Variants in GALNT13 observed in about 807,000 individuals in gnomAD.
GALNT13 encodes UDP-GalNAc:polypeptide N-acetylgalactosaminyltransferase 13.
Under a neutral mutation model 64.2 loss-of-function variants are expected in GALNT13, and 28 were observed. The observed-to-expected ratio is 0.44, with a 90% CI of 0.32 to 0.60. GALNT13 has a LOEUF of 0.60. GALNT13 is among the 20% of genes least tolerant of loss of function. The pLI is 0.05. For missense variants in GALNT13, 577 were observed against 669.8 expected, an observed-to-expected ratio of 0.86 and a Z score of 1.53; for synonymous variants, 214 against 224.6, an observed-to-expected ratio of 0.95 and a Z score of 0.42.
chr2:153,939,328 G>C (rs968310453), intron 2 of GALNT13, among the ~76,000 whole-genome samples: 2 of 152,180 alleles, frequency 1.3e-5, no homozygotes, highest in Non-Finnish European at 2.9e-5. Flanking sequence ...ACAGCCAGGA[G>C]ACCTAAGTCA....
intron 3 of GALNT13, among the ~76,000 whole-genome samples, chr2:153,991,774 A>C (rs2105190731): frequency 6.6e-6 from 1 of 152,290 alleles, no homozygotes; most frequent in South Asian, 2.1e-4. Context: ...TGTCACCATC[A>C]AGAAATTGTT....
chr2:153,768,448 A>G, the GALNT13 span, among the ~76,000 whole-genome samples: 3 of 152,110 alleles, frequency 2.0e-5, no homozygotes, highest in Admixed American at 1.3e-4. Flanking sequence ...GTCTAGTAGT[A>G]TTTGTTTTTT....
chr2:153,105,281 A>G, the GALNT13 span, among the ~76,000 whole-genome samples: 1 of 152,092 alleles, frequency 6.6e-6, no homozygotes, highest in African/African-American at 2.4e-5. Flanking sequence ...CCACATGATT[A>G]TCTCAATAGA....
chr2:153,339,073 G>A, the GALNT13 span, among the ~76,000 whole-genome samples: 3 of 152,272 alleles, frequency 2.0e-5, no homozygotes, highest in African/African-American at 4.8e-5. Context: ...GAATAATGCT[G>A]TAATAAGCAT....
the GALNT13 span, among the ~76,000 whole-genome samples, chr2:153,184,214 T>C: frequency 6.6e-6 from 1 of 152,190 alleles, no homozygotes; most frequent in African/African-American, 2.4e-5. Context: ...TTCCTAGGTA[T>C]TTTATTCTTT....
At chr2:153,940,888 TA>T (rs1466424513) in intron 2 of GALNT13, among the ~76,000 whole-genome samples, 2 of 152,132 alleles carry the variant, frequency 1.3e-5, no homozygotes, top group Non-Finnish European at 1.5e-5. Flanking sequence ...TGACTATAGA[TA>T]AAAATATGTC....
the GALNT13 span, among the ~76,000 whole-genome samples, chr2:153,513,966 C>A: frequency 9.9e-5 from 15 of 152,234 alleles, no homozygotes; most frequent in Admixed American, 9.8e-4. Flanking sequence ...ATTGTAGTTT[C>A]TAAAAGATCT....
chr2:154,287,032 A>G, intron 8 of GALNT13: 1 of 635,868 alleles, frequency 1.6e-6, no homozygotes, highest in East Asian at 2.9e-5. Context: ...GCTGGTCTCC[A>G]GGCAGGTGAG....
chr2:153,784,722 C>T, the GALNT13 span, among the ~76,000 whole-genome samples: 1 of 152,178 alleles, frequency 6.6e-6, no homozygotes, highest in Non-Finnish European at 1.5e-5. Context: ...GGGGGCTGCA[C>T]AGTGACGTCT....
the GALNT13 span, among the ~76,000 whole-genome samples, chr2:153,390,797 G>A: frequency 6.6e-6 from 1 of 152,032 alleles, no homozygotes; most frequent in African/African-American, 2.4e-5. Flanking sequence ...TTGTGATAAC[G>A]TAAAAGGTGA....
chr2:153,141,602 A>G, the GALNT13 span, among the ~76,000 whole-genome samples: 1 of 151,924 alleles, frequency 6.6e-6, no homozygotes, highest in African/African-American at 2.4e-5. Flanking sequence ...ACCTACCTGG[A>G]GTGGAGCTTC....
At chr2:154,108,337 T>G (rs2105480769) in intron 3 of GALNT13, among the ~76,000 whole-genome samples, 1 of 152,280 alleles carries the variant, frequency 6.6e-6, no homozygotes, top group East Asian at 1.9e-4. Context: ...ATTGTGGTTT[T>G]AATTTGCATT....
intron 4 of GALNT13, among the ~76,000 whole-genome samples, chr2:154,187,369 AACACACACAC>A (rs10578569): frequency 0.011 from 1,551 of 140,310 alleles, 28 homozygotes; most frequent in African/African-American, 0.036. Flanking sequence ...GATAGGAGAA[AACACACACAC>A]ACACACACAC....
chr2:153,893,181 G>T (rs1316863757), intron 1 of GALNT13, among the ~76,000 whole-genome samples: 1 of 152,070 alleles, frequency 6.6e-6, no homozygotes, highest in Non-Finnish European at 1.5e-5. Context: ...GGAGAGATTA[G>T]ACACTGGCGA....
chr2:153,350,212 G>A, the GALNT13 span, among the ~76,000 whole-genome samples: 1 of 152,206 alleles, frequency 6.6e-6, no homozygotes, highest in South Asian at 2.1e-4. Flanking sequence ...AAATGGAAAG[G>A]ATGATCAAAA....
At chr2:154,138,734 A>T (rs534475115) in intron 3 of GALNT13, among the ~76,000 whole-genome samples, 1 of 152,076 alleles carries the variant, frequency 6.6e-6, no homozygotes, top group South Asian at 2.1e-4. Context: ...AATCTTACAA[A>T]TGAAAGATAC....
At chr2:153,944,793 T>C (rs1449318288) in intron 3 of GALNT13, among the ~76,000 whole-genome samples, 154 bp downstream of exon 3, 3 of 152,182 alleles carry the variant, frequency 2.0e-5, no homozygotes, top group Non-Finnish European at 4.4e-5. Context: ...ATGGGGAAGT[T>C]ACTTTACCTT....
chr2:153,745,879 T>C, the GALNT13 span, among the ~76,000 whole-genome samples: 1 of 152,096 alleles, frequency 6.6e-6, no homozygotes, highest in African/African-American at 2.4e-5. Flanking sequence ...GGAGCCTCCA[T>C]GCTTTGCCTG....
At chr2:153,339,366 A>C in the GALNT13 span, among the ~76,000 whole-genome samples, 1 of 152,242 alleles carries the variant, frequency 6.6e-6, no homozygotes, top group African/African-American at 2.4e-5. Context: ...CCTGATGATT[A>C]CTGATGCTGG....
Sources: gnomAD v4.1 joint callset for allele counts (sites outside exome capture counted in the v4.1 genomes callset) on GRCh38, gnomAD v4.1.1 for gene constraint, MANE v1.5 for transcripts, NCBI Gene and HGNC (gene_info 2026-07-23, HGNC 2026-07-21) for gene names.